Variants in CSMD1 observed in about 807,000 individuals in gnomAD.
CSMD1 encodes the protein CUB and sushi domain-containing protein 1.
Under a neutral mutation model 417.5 loss-of-function variants are expected in CSMD1, and 213 were observed. The ratio of observed to expected loss-of-function variants is 0.51; its 90% CI spans 0.46 to 0.57. The LOEUF is 0.57. Among genes scored for constraint, CSMD1 ranks in the 20% least tolerant of loss-of-function variants. The pLI is 0.00. For missense variants in CSMD1, 6,923 were observed against 4,529.7 expected, an observed-to-expected ratio of 1.53 and a Z score of -15.17; for synonymous variants, 2,862 against 1,736.8, an observed-to-expected ratio of 1.65 and a Z score of -16.11.
chr8:4,641,742 C>T (rs1008581432), intron 1 of CSMD1, among the ~76,000 whole-genome samples: 5 of 152,074 alleles, frequency 3.3e-5, no homozygotes, highest in Non-Finnish European at 7.3e-5. Context: ...ACAATAAATA[C>T]CTTAGATCAC....
In CSMD1 at chr8:4,968,645, T is replaced by C. The variant is rs1246695279; in HGVS notation, c.85+25687A>G. Among the ~76,000 whole-genome samples the C allele has an allele frequency of 2.0e-5, 3 of 152,164 alleles. No individual in the cohort carries two copies. In the East Asian group the frequency reaches 5.8e-4, roughly 29 times the overall value. On this transcript the variant is annotated intron_variant, in intron 1 of 69. Transcript: ENST00000635120. ...CTCAGTGCTGATTTCAAATATTCTA[T>C]CAACAGCTAGTGTGGTTCAAAAGAC...
intron 49 of CSMD1, among the ~76,000 whole-genome samples, chr8:3,083,271 A>C (rs774623139): frequency 1.3e-5 from 2 of 151,986 alleles, no homozygotes; most frequent in Admixed American, 6.6e-5. Flanking sequence ...TAAGTGTCAT[A>C]TATCTCTGCT....
intron 41 of CSMD1, among the ~76,000 whole-genome samples, chr8:3,140,200 C>G (rs1038735522): frequency 1.3e-5 from 2 of 152,196 alleles, no homozygotes; most frequent in Non-Finnish European, 2.9e-5. Flanking sequence ...CCACCACACC[C>G]AGCCCCGATT....
At chr8:4,810,589 G>A (rs1375505296) in intron 1 of CSMD1, among the ~76,000 whole-genome samples, 1 of 152,134 alleles carries the variant, frequency 6.6e-6, no homozygotes, top group Non-Finnish European at 1.5e-5. Flanking sequence ...CTGTGTGTCT[G>A]TATAATTGCT....
chr8:4,541,573 C>A lies in CSMD1; in HGVS notation c.302+95769G>T, dbSNP rs189426760. On this transcript the variant is annotated intron_variant, in intron 2 of 69. Transcript: ENST00000635120. ...GAACAGCCTGGCCACCATGGTAAAA[C>A]CCTGTCTGTACTAAAAATGCAAAAA... Among the ~76,000 whole-genome samples the A allele has an allele frequency of 1.1e-3, 167 of 151,962 alleles. 1 individual carries two copies. The highest frequency in any genetic ancestry group is 3.8e-3 in the African/African-American group (158 of 41,416).
chr8:4,440,135 G>A (rs532602693), intron 2 of CSMD1, among the ~76,000 whole-genome samples: 3 of 152,126 alleles, frequency 2.0e-5, no homozygotes, highest in Admixed American at 1.3e-4. Flanking sequence ...TGCAGCTTTG[G>A]TGTAAATTTC....
At chr8:4,677,171 A>G (rs1805749114) in intron 1 of CSMD1, among the ~76,000 whole-genome samples, 1 of 149,548 alleles carries the variant, frequency 6.7e-6, no homozygotes, top group African/African-American at 2.4e-5. Context: ...ATCGGATTTT[A>G]TCATTTATAT....
intron 50 of CSMD1, among the ~76,000 whole-genome samples, chr8:3,041,920 A>T (rs1178982430): frequency 6.6e-6 from 1 of 152,190 alleles, no homozygotes; most frequent in Non-Finnish European, 1.5e-5. Context: ...ATGTCTTTTG[A>T]CATCACGGTC....
intron 1 of CSMD1, among the ~76,000 whole-genome samples, chr8:4,930,076 G>C (rs969659618): frequency 1.3e-5 from 2 of 152,170 alleles, no homozygotes; most frequent in Non-Finnish European, 2.9e-5. Context: ...CAAGGAAAAA[G>C]AGCTTGTTTC....
chr8:4,578,674 A>G (rs1799260053), intron 2 of CSMD1, among the ~76,000 whole-genome samples: 1 of 150,924 alleles, frequency 6.6e-6, no homozygotes, highest in South Asian at 2.1e-4. Context: ...AATTAGCTGG[A>G]CATGGTGGCA....
intron 1 of CSMD1, among the ~76,000 whole-genome samples, chr8:4,746,169 T>C (rs191152525): frequency 1.3e-5 from 2 of 152,286 alleles, no homozygotes; most frequent in East Asian, 3.9e-4. Context: ...CACCTTTTCA[T>C]CCAAAATTCT....
chr8:4,132,052 G>T (rs1432431900), intron 3 of CSMD1, among the ~76,000 whole-genome samples: 3 of 151,990 alleles, frequency 2.0e-5, no homozygotes, highest in Non-Finnish European at 4.4e-5. Flanking sequence ...CATAACAAAG[G>T]TAAAAGCAAA....
At chr8:4,941,657 A>G (rs55655954) in intron 1 of CSMD1, among the ~76,000 whole-genome samples, 77,326 of 150,734 alleles carry the variant, frequency 0.51, 20,966 homozygotes, top group East Asian at 0.79. Flanking sequence ...GGGGTACAGT[A>G]CCACAATCAC....
chr8:3,178,689 G>A (rs1024214420), intron 37 of CSMD1, among the ~76,000 whole-genome samples: 7 of 151,944 alleles, frequency 4.6e-5, no homozygotes, highest in East Asian at 1.9e-4. Context: ...AGTAACAAGC[G>A]GTAACAAGTT....
At chr8:4,338,751 T>C (rs1800313648) in intron 3 of CSMD1, among the ~76,000 whole-genome samples, 1 of 152,114 alleles carries the variant, frequency 6.6e-6, no homozygotes, top group Admixed American at 6.6e-5. Flanking sequence ...CATAAGCGAA[T>C]ATTAAATTCT....
chr8:2,941,838 T>C (rs555296199), intron 69 of CSMD1, among the ~76,000 whole-genome samples: 1 of 152,222 alleles, frequency 6.6e-6, no homozygotes, highest in Admixed American at 6.5e-5. Context: ...ATAGAGAACA[T>C]TCTGTTCACC....
chr8:4,226,469 A>C (rs1342235621), intron 3 of CSMD1, among the ~76,000 whole-genome samples: 1 of 152,216 alleles, frequency 6.6e-6, no homozygotes, highest in Non-Finnish European at 1.5e-5. Context: ...AAATACTTGC[A>C]ATTTAGAAAT....
intron 7 of CSMD1, among the ~76,000 whole-genome samples, chr8:3,641,914 G>A (rs1034450382): frequency 5.3e-5 from 8 of 152,170 alleles, no homozygotes; most frequent in African/African-American, 9.7e-5. Flanking sequence ...AACTAATTCT[G>A]ATTAAGGTTA....
At chr8:4,313,003 G>A (rs1056800836) in intron 3 of CSMD1, among the ~76,000 whole-genome samples, 19 of 152,156 alleles carry the variant, frequency 1.2e-4, no homozygotes, top group Admixed American at 2.0e-4. Flanking sequence ...TGAAGATGGG[G>A]AGGTAGAATT....
Sources: gnomAD v4.1 joint callset for allele counts (sites outside exome capture counted in the v4.1 genomes callset) on GRCh38, gnomAD v4.1.1 for gene constraint, MANE v1.5 for transcripts, NCBI Gene and HGNC (gene_info 2026-07-23, HGNC 2026-07-21) for gene names.